The following NRXN3 variants were observed in gnomAD, a reference collection of about 807,000 sequenced individuals.
NRXN3 encodes the protein neurexin III.
In NRXN3, 32 loss-of-function variants were observed where a neutral mutation model predicts 137.6. The observed-to-expected ratio is 0.23, with a 90% CI of 0.18 to 0.31. The LOEUF is 0.31. Among genes scored for constraint, NRXN3 ranks in the 10% least tolerant of loss-of-function variants. The probability of loss-of-function intolerance (pLI) is 1.00; values close to 1 mark genes in which losing one functional copy is unlikely to be tolerated. For missense variants in NRXN3, 1,574 were observed against 2,062.5 expected (o/e 0.76, Z 4.59); for synonymous variants, 798 against 784.5 (o/e 1.02, Z -0.29).
chr14:79,020,748 C>T (rs2099588238), intron 15 of NRXN3, among the ~76,000 whole-genome samples: 1 of 151,904 alleles, frequency 6.6e-6, no homozygotes, highest in Non-Finnish European at 1.5e-5. Context: ...TCATGTACTC[C>T]ATTTAGTACA....
intron 3 of NRXN3, among the ~76,000 whole-genome samples, chr14:78,284,332 C>T (rs1427256371): frequency 1.3e-5 from 2 of 152,160 alleles, no homozygotes; most frequent in African/African-American, 4.8e-5. Context: ...GCCTTTGCTT[C>T]AAGTTGTCCC....
chr14:79,604,482 G>A (rs895088381), intron 16 of NRXN3, among the ~76,000 whole-genome samples: 2 of 150,928 alleles, frequency 1.3e-5, no homozygotes, highest in African/African-American at 2.4e-5. Flanking sequence ...TGATCCACCC[G>A]CCTTGGCCTC....
chr14:79,305,334 T>C (rs1041065271), intron 15 of NRXN3, among the ~76,000 whole-genome samples: 9 of 152,064 alleles, frequency 5.9e-5, no homozygotes, highest in Admixed American at 3.9e-4. Context: ...CTTAATTTTC[T>C]CACTATGGAC....
rs535828217 is a variant in NRXN3 at position 79,181,654 on chromosome 14, C to A, written c.3262+193513C>A. 1.1e-4 allele frequency among the ~76,000 whole-genome samples: 16 copies of A among 146,700 alleles called. No individual in the cohort carries two copies. The South Asian group carries it at 3.5e-3, about 32-fold the overall frequency. On this transcript the variant is annotated intron_variant, in intron 15 of 20. Coordinates refer to ENST00000335750, the MANE Select transcript of NRXN3 (RefSeq NM_001330195.2). ...CAAGATCGCGTCACTGCATTCCAGT[C>A]CTGGGCAACAGAGTGTGACCCTGTC...
intron 15 of NRXN3, among the ~76,000 whole-genome samples, chr14:79,425,408 CCTT>C (rs1263297937): frequency 1.3e-5 from 2 of 152,114 alleles, no homozygotes; most frequent in Non-Finnish European, 2.9e-5. Flanking sequence ...TCTTAGAAAA[CCTT>C]CAGTGCCTCT....
chr14:78,244,599 A>G (rs111823626), intron 2 of NRXN3, among the ~76,000 whole-genome samples: 5 of 152,096 alleles, frequency 3.3e-5, no homozygotes, highest in African/African-American at 7.2e-5. Flanking sequence ...CAGTTCTTCT[A>G]TTGGGGCCCA....
At chr14:79,342,265 C>G (rs765321111) in intron 15 of NRXN3, among the ~76,000 whole-genome samples, 3 of 152,152 alleles carry the variant, frequency 2.0e-5, no homozygotes, top group Non-Finnish European at 4.4e-5. Context: ...ACTGTTGATG[C>G]TGGGTTGAAA....
At chr14:79,072,723 A>T (rs1394612994) in intron 15 of NRXN3, among the ~76,000 whole-genome samples, 1 of 152,240 alleles carries the variant, frequency 6.6e-6, no homozygotes, top group African/African-American at 2.4e-5. Flanking sequence ...ACTTTTAAAA[A>T]CTGTAAAATG....
chr14:79,519,320 T>C (rs2097032780), intron 16 of NRXN3, among the ~76,000 whole-genome samples: 1 of 152,116 alleles, frequency 6.6e-6, no homozygotes, highest in South Asian at 2.1e-4. Flanking sequence ...CATGATGAGA[T>C]AATCTAATGT....
chr14:79,306,420 A>G (rs2086077491), intron 15 of NRXN3, among the ~76,000 whole-genome samples: 1 of 152,070 alleles, frequency 6.6e-6, no homozygotes, highest in East Asian at 1.9e-4. Context: ...AAATTAAGGG[A>G]AATGCCATTT....
chr14:78,968,434 T>C (rs2099428183), intron 14 of NRXN3, 88 bp downstream of exon 14: 1 of 1,254,922 alleles, frequency 8.0e-7, no homozygotes, highest in Non-Finnish European at 1.1e-6. Context: ...CCTTCCTCAG[T>C]TGACCAGTCC....
intron 4 of NRXN3, among the ~76,000 whole-genome samples, chr14:78,599,316 G>T (rs12147587): frequency 0.046 from 7,054 of 152,308 alleles, 242 homozygotes; most frequent in Non-Finnish European, 0.074. Context: ...TGCAACTTAT[G>T]CTGGCAAAGC....
chr14:78,297,699 C>T (rs936926521), intron 3 of NRXN3, 132 bp from the exon 4 acceptor site: 35 of 701,644 alleles, frequency 5.0e-5, no homozygotes, highest in African/African-American at 1.8e-4. Flanking sequence ...AGCAAGCGTG[C>T]GGCCCCTGTC....
At chr14:78,785,711 TTTG>T (rs1306721916) in intron 8 of NRXN3, among the ~76,000 whole-genome samples, 2 of 152,174 alleles carry the variant, frequency 1.3e-5, no homozygotes, top group African/African-American at 2.4e-5. Context: ...CAGTTACAAC[TTTG>T]TTGTTGTTGT....
intron 15 of NRXN3, among the ~76,000 whole-genome samples, chr14:79,362,446 AACATTGT>A (rs1296693674): frequency 1.3e-5 from 2 of 152,176 alleles, no homozygotes; most frequent in Non-Finnish European, 2.9e-5. Flanking sequence ...ATAAACAAAT[AACATTGT>A]CAGTTTAATT....
At chr14:78,225,555 G>T (rs947419428) in intron 1 of NRXN3, among the ~76,000 whole-genome samples, 4 of 151,952 alleles carry the variant, frequency 2.6e-5, no homozygotes, top group East Asian at 1.9e-4. Context: ...TAGGTTGCCT[G>T]TTCACTCTGA....
At chr14:78,860,465 C>G (rs1339699152) in intron 10 of NRXN3, among the ~76,000 whole-genome samples, 1 of 152,094 alleles carries the variant, frequency 6.6e-6, no homozygotes. Context: ...GGCAAGGAGA[C>G]ATTTTTCTAA....
chr14:79,716,443 G>A (rs540169357), intron 19 of NRXN3, among the ~76,000 whole-genome samples: 17 of 152,266 alleles, frequency 1.1e-4, no homozygotes, highest in Middle Eastern at 6.8e-3. Flanking sequence ...ATGTACATTT[G>A]TCTAGGTTTC....
intron 16 of NRXN3, among the ~76,000 whole-genome samples, chr14:79,512,479 TA>T (rs1308485179): frequency 1.3e-5 from 2 of 152,188 alleles, no homozygotes; most frequent in Non-Finnish European, 2.9e-5. Flanking sequence ...ACTTTTATGA[TA>T]AAAATATAGA....
Sources: allele counts gnomAD v4.1 joint callset (sites outside exome capture counted in the v4.1 genomes callset), GRCh38; gene constraint gnomAD v4.1.1; transcripts MANE v1.5; gene names NCBI Gene and HGNC (gene_info 2026-07-23, HGNC 2026-07-21).